Variants in CMAS observed in about 807,000 individuals in gnomAD.
The protein encoded by CMAS is N-acylneuraminate cytidylyltransferase.
In CMAS, 21 loss-of-function variants were observed where a neutral mutation model predicts 53.4. The observed-to-expected ratio is 0.39, with a 90% CI of 0.28 to 0.57. The LOEUF (loss-of-function observed/expected upper bound fraction) is 0.57, where lower values mean the gene tolerates loss of function less well. CMAS is among the 20% of genes least tolerant of loss of function. The pLI, the probability that CMAS is intolerant of heterozygous loss-of-function variation, is 0.56. For missense variants in CMAS, 384 were observed against 534.9 expected, an observed-to-expected ratio of 0.72 and a Z score of 2.78; for synonymous variants, 189 against 195.2, an observed-to-expected ratio of 0.97 and a Z score of 0.27.
At chr12:22,064,558 A>ATATT (rs1950332231) in intron 7 of CMAS, among the ~76,000 whole-genome samples, 1 of 152,090 alleles carries the variant, frequency 6.6e-6, no homozygotes, top group African/African-American at 2.4e-5. Flanking sequence ...TTATTAGAGG[A>ATATT]TATTAAGGAA....
chr12:22,055,955 A>G (rs1950265338), intron 3 of CMAS, among the ~76,000 whole-genome samples: 2 of 152,218 alleles, frequency 1.3e-5, no homozygotes, highest in Non-Finnish European at 2.9e-5. Context: ...AGAGATAGAA[A>G]GCATCCACCA....
At chr12:22,050,738 G>T (rs1231083103) in intron 1 of CMAS, among the ~76,000 whole-genome samples, 1 of 152,106 alleles carries the variant, frequency 6.6e-6, no homozygotes, top group Non-Finnish European at 1.5e-5. Context: ...AAATGAAAGA[G>T]TGTGGCTGTA....
intron 1 of CMAS, among the ~76,000 whole-genome samples, chr12:22,047,693 A>C (rs1950215434): frequency 6.6e-6 from 1 of 152,196 alleles, no homozygotes; most frequent in Non-Finnish European, 1.5e-5. Flanking sequence ...CGAAGGAGAG[A>C]TAGGGAAGGA....
intron 1 of CMAS, among the ~76,000 whole-genome samples, chr12:22,054,849 A>G (rs1402125373): frequency 6.6e-6 from 1 of 152,088 alleles, no homozygotes; most frequent in Non-Finnish European, 1.5e-5. Context: ...AGTACCTGAT[A>G]GGTAGTTTTT....
chr12:22,055,630 TATTTTAGCTG>T lies in CMAS; in HGVS notation c.559+27_559+36del. ...AAGGAGGTAATCTCTTTTCAGTCTTTATTTTAGCTGATTTTATTGAGAATCAATTTTTTTG... is the reference window on the plus strand; with the variant it reads ...AAGGAGGTAATCTCTTTTCAGTCTTTATTTTATTGAGAATCAATTTTTTTG... On this transcript the variant is annotated intron_variant, in intron 3 of 7. Coordinates refer to ENST00000229329, the MANE Select transcript of CMAS (RefSeq NM_018686.6). 2.5e-6 allele frequency: 4 copies of T among 1,598,760 alleles called. No homozygotes were observed. Among genetic ancestry groups the T allele is most frequent in the Non-Finnish European group, 3.4e-6 (4 of 1,175,544 alleles).
chr12:22,057,912 C>A (rs1032891865), intron 3 of CMAS, among the ~76,000 whole-genome samples: 11 of 149,114 alleles, frequency 7.4e-5, no homozygotes, highest in Non-Finnish European at 1.2e-4. Context: ...ACTGCAATCT[C>A]CCCCCCCCGG....
At chr12:22,062,020 A>AGAT (rs1441783205) in intron 6 of CMAS, among the ~76,000 whole-genome samples, 4 of 152,146 alleles carry the variant, frequency 2.6e-5, no homozygotes. Flanking sequence ...TTTTACCTGT[A>AGAT]GATAGAATCC....
At chr12:22,051,822 G>T (rs990921217) in intron 1 of CMAS, among the ~76,000 whole-genome samples, 1 of 152,132 alleles carries the variant, frequency 6.6e-6, no homozygotes, top group Non-Finnish European at 1.5e-5. Context: ...AAATGAGACA[G>T]AGTAGATGTT....
At chr12:22,061,155 G>C in intron 5 of CMAS, 126 bp from the exon 6 acceptor site, 1 of 755,130 alleles carries the variant, frequency 1.3e-6, no homozygotes, top group Non-Finnish European at 2.2e-6. Flanking sequence ...TATATGTGAA[G>C]TAAATTTGGA....
At position 22,055,197 on chromosome 12, in the gene CMAS, A is replaced by G. The variant is rs750302169; in HGVS notation, c.309A>G (p.Gln103=). The change falls in exon 2 of 8, where the codon CAA becomes CAG. Residue 103 remains glutamine (Q), a synonymous_variant. Transcript: ENST00000229329. ...ATGAAATTGAGAATGTGGCCAAACA[A>G]TTTGGTGCACAAGTTCATCGAAGAA... The part of the protein sequence containing the change: ...DHDEIENVAK[Q]FGAQVHRRSS... 4 of 1,613,418 alleles carry G rather than the reference A, an allele frequency of 2.5e-6. No homozygotes were observed. The East Asian group carries it at 6.7e-5, about 27-fold the overall frequency.
chr12:22,061,396 T>G lies in CMAS; in HGVS notation c.904T>G (p.Ser302Ala). 6.2e-7 allele frequency: 1 copy of G among 1,607,036 alleles called. No individual in the cohort carries two copies. The highest frequency in any genetic ancestry group is 8.5e-7 in the Non-Finnish European group (1 of 1,174,542). Residue 302 changes from serine to alanine, a missense_variant, in exon 6 of 8, where the codon TCT (serine) becomes GCT (alanine). Physicochemically the swap from Ser to Ala is moderately conservative, Grantham distance 99. Transcript: ENST00000229329. ...YVSGDQKEII[S>A]YDVKDAIGIS... is the part of the protein sequence containing the mutation. ...ATCAGGAGACCAAAAAGAAATAATA[T>G]CTTATGATGTAAAAGATGCTATTGG...
At chr12:22,064,436 T>C (rs188035207) in intron 7 of CMAS, among the ~76,000 whole-genome samples, 3 of 152,086 alleles carry the variant, frequency 2.0e-5, no homozygotes, top group Middle Eastern at 3.4e-3. Flanking sequence ...TAAGAGATTA[T>C]ATATATATAA....
intron 1 of CMAS, among the ~76,000 whole-genome samples, chr12:22,049,410 G>T (rs978612977): frequency 6.6e-6 from 1 of 152,094 alleles, no homozygotes; most frequent in African/African-American, 2.4e-5. Flanking sequence ...TGGAAAATAT[G>T]TATATATATT....
rs747260690 is a variant in CMAS at position 22,061,465 on chromosome 12, T to C, written c.960+13T>C. 3.3e-6 allele frequency: 5 copies of C among 1,496,478 alleles called. No homozygotes were observed. In the African/African-American group the frequency reaches 7.0e-5, roughly 21 times the overall value. 92.7% of individuals were successfully genotyped at this position (1,496,478 alleles called of 1,614,324 possible). On this transcript the variant is annotated intron_variant, in intron 6 of 7. Transcript: ENST00000229329. ...AAGTGGTATTGAGGTATGTGCTCCC[T>C]GAATATAGCAGTATTTTATAATATT...
intron 1 of CMAS, among the ~76,000 whole-genome samples, chr12:22,052,838 GCTTT>G (rs1238663282): frequency 1.3e-5 from 2 of 152,056 alleles, no homozygotes; most frequent in African/African-American, 4.8e-5. Flanking sequence ...TGTTTGCTAG[GCTTT>G]CTTTGATTAT....
chr12:22,050,483 C>T (rs1468253258), intron 1 of CMAS, among the ~76,000 whole-genome samples: 1 of 152,176 alleles, frequency 6.6e-6, no homozygotes, highest in Non-Finnish European at 1.5e-5. Context: ...GGGAAACTCT[C>T]CCATTGCTTG....
At chr12:22,049,499 T>G (rs1294164260) in intron 1 of CMAS, among the ~76,000 whole-genome samples, 1 of 152,230 alleles carries the variant, frequency 6.6e-6, no homozygotes, top group African/African-American at 2.4e-5. Context: ...ATCAACCTTT[T>G]CTGTACCAAG....
At chr12:22,046,607 G>A in intron 1 of CMAS, 44 bp downstream of exon 1, 1 of 1,473,420 alleles carries the variant, frequency 6.8e-7, no homozygotes, top group East Asian at 2.7e-5. Context: ...GGCGGGGGTC[G>A]GGAGAGGGAG....
In CMAS at chr12:22,055,229, A is replaced by C; in HGVS notation, c.341A>C (p.Glu114Ala). 1 of 1,612,296 alleles carries C rather than the reference A, an allele frequency of 6.2e-7. No homozygotes were observed. The highest frequency in any genetic ancestry group is 1.3e-5 in the African/African-American group (1 of 75,014). ...GCACAAGTTCATCGAAGAAGTTCTG[A>C]AGTTTCAAAAGACAGCTCTACCTCA... The part of the protein sequence containing the change: ...FGAQVHRRSS[E>A]VSKDSSTSLD... Residue 114 changes from glutamate (E) to alanine (A), a missense_variant, in exon 2 of 8, where the codon GAA becomes GCA. Around this residue, in one of 3 missense-constraint regions of CMAS, gnomAD observed 139 missense variants for 248.0 expected, o/e 0.56. Coordinates refer to ENST00000229329, the MANE Select transcript of CMAS (RefSeq NM_018686.6).
Sources: allele counts gnomAD v4.1 joint callset (sites outside exome capture counted in the v4.1 genomes callset), GRCh38; gene constraint gnomAD v4.1.1; regional missense constraint gnomAD v4.1.1; transcripts MANE v1.5; gene names NCBI Gene and HGNC (gene_info 2026-07-23, HGNC 2026-07-21).